Variants in CREB5 observed in about 807,000 individuals in gnomAD.
CREB5 encodes cAMP responsive element binding protein 5.
CREB5 carries 19 observed loss-of-function variants against 57.1 expected under a neutral mutation model. The observed-to-expected ratio is 0.33, with a 90% CI of 0.23 to 0.49. CREB5 has a LOEUF of 0.49. Among genes scored for constraint, CREB5 ranks in the 20% least tolerant of loss-of-function variants. The probability of loss-of-function intolerance (pLI) is 0.99; values close to 1 mark genes in which losing one functional copy is unlikely to be tolerated. For missense variants in CREB5, 579 were observed against 671.6 expected (o/e 0.86, Z 1.52); for synonymous variants, 238 against 238.3 (o/e 1.00, Z 0.01).
At position 28,819,068 on chromosome 7, in the gene CREB5, T is replaced by C. The variant is rs868177176; in HGVS notation, c.1364-48T>C. ...CACAAGTCCATACAAAAAAGACCTA[T>C]ATTGGTGTGTGTGTATGTGTGTGTG... is the stretch of plus-strand genomic sequence containing the variant. On this transcript the variant is annotated intron_variant, in intron 10 of 10. Coordinates refer to ENST00000357727, the MANE Select transcript of CREB5 (RefSeq NM_182898.4). 11 of 1,573,588 alleles carry C rather than the reference T, an allele frequency of 7.0e-6. No homozygotes were observed. The African/African-American group carries it at 9.5e-5, about 14-fold the overall frequency.
chr7:28,505,866 G>A (rs1190261745), intron 3 of CREB5, among the ~76,000 whole-genome samples: 1 of 152,176 alleles, frequency 6.6e-6, no homozygotes, highest in Non-Finnish European at 1.5e-5. Context: ...ACACACAATA[G>A]TTATATGTGT....
intron 1 of CREB5, among the ~76,000 whole-genome samples, chr7:28,367,321 C>G (rs1440562079): frequency 6.6e-6 from 1 of 152,160 alleles, no homozygotes; most frequent in Admixed American, 6.5e-5. Context: ...AATTGGCATC[C>G]CACACTGCTC....
At chr7:28,572,982 T>A (rs1361069422) in intron 5 of CREB5, among the ~76,000 whole-genome samples, 3 of 152,180 alleles carry the variant, frequency 2.0e-5, no homozygotes, top group African/African-American at 7.2e-5. Flanking sequence ...TTTATTCAGA[T>A]TCCTCCCTGG....
At chr7:28,646,424 G>A (rs1316447739) in intron 5 of CREB5, among the ~76,000 whole-genome samples, 5 of 152,132 alleles carry the variant, frequency 3.3e-5, no homozygotes, top group African/African-American at 9.7e-5. Context: ...GCCTGGTGCT[G>A]CCATCTCCTT....
rs147452296 is a variant in CREB5, at chr7:28,429,177, C to T, written c.3+16260C>T. ...GAGTAGCTGGGATTACAGACACTTG[C>T]TACCATGACCAGCTAATTTTTGTAT... On this transcript the variant is annotated intron_variant, in intron 1 of 10. Transcript: ENST00000357727. Among the ~76,000 whole-genome samples the T allele has an allele frequency of 2.3e-3, 354 of 152,174 alleles. 1 individual carries two copies. Among genetic ancestry groups the T allele is most frequent in the African/African-American group, 8.1e-3 (337 of 41,516 alleles).
At chr7:28,411,666 T>C (rs1346704643), upstream of CREB5, among the ~76,000 whole-genome samples, 1 of 152,174 alleles carries the variant, frequency 6.6e-6, no homozygotes, top group Non-Finnish European at 1.5e-5. Context: ...GGTCCCTGAT[T>C]TGGAGTTGGT....
intron 5 of CREB5, among the ~76,000 whole-genome samples, chr7:28,580,198 C>T (rs1796063898): frequency 6.6e-6 from 1 of 152,084 alleles, no homozygotes; most frequent in African/African-American, 2.4e-5. Flanking sequence ...AAATCATAGA[C>T]TTTCTAAAAC....
Position 28,818,134 on chromosome 7 carries a change from G to C in CREB5, c.1318G>C (p.Asp440His). The C allele has an allele frequency of 6.2e-7, 1 of 1,613,670 alleles. No individual in the cohort carries two copies. Among genetic ancestry groups the C allele is most frequent in the South Asian group, 1.1e-5 (1 of 91,028 alleles). ...QLKQLLLTHKDCPITAMQKES... is the reference protein window; with the variant it reads ...QLKQLLLTHKHCPITAMQKES... ...GAAACAGTTGTTGTTAACACATAAA[G>C]ACTGCCCAATAACAGCCATGCAGAA... Residue 440 changes from aspartate (D) to histidine (H), a missense_variant, in exon 10 of 11, where the codon GAC becomes CAC. Physicochemically the swap from Asp to His is moderately conservative, Grantham distance 81. Coordinates refer to ENST00000357727, the MANE Select transcript of CREB5 (RefSeq NM_182898.4).
Position 28,560,823 on chromosome 7 carries a change from C to CGTGTGTGTGTGTGTGCGTGCGT in CREB5, c.292-9541_292-9540insTGTGTGTGTGTGTGCGTGCGTG, listed in dbSNP as rs1442862711. The stretch of plus-strand genomic sequence containing the variant: ...GTGTGTGTGCGCGTGTGTGTGTGTG[C>CGTGTGTGTGTGTGTGCGTGCGT]GCGCGCGCGCGTGTGTGTGTGCGCG... On this transcript the variant is annotated intron_variant, in intron 4 of 10. Coordinates refer to ENST00000357727, the MANE Select transcript of CREB5 (RefSeq NM_182898.4). Among the ~76,000 whole-genome samples the CGTGTGTGTGTGTGTGCGTGCGT allele has an allele frequency of 5.8e-5, 2 of 34,452 alleles. 1 individual carries two copies. Among genetic ancestry groups the CGTGTGTGTGTGTGTGCGTGCGT allele is most frequent in the Non-Finnish European group, 1.3e-4 (2 of 15,080 alleles). The allele number at this position is 34,452 out of a possible 152,430, so 22.6% of individuals were successfully genotyped here.
chr7:28,351,428 G>A (rs11772815), intron 1 of CREB5, among the ~76,000 whole-genome samples: 53,935 of 152,104 alleles, frequency 0.35, 9,753 homozygotes, highest in Non-Finnish European at 0.39. Flanking sequence ...TTGCAAAGGA[G>A]CCAAGGGGGA....
chr7:28,361,371 T>C (rs1011181504), intron 1 of CREB5, among the ~76,000 whole-genome samples: 8 of 152,254 alleles, frequency 5.3e-5, no homozygotes, highest in Admixed American at 5.2e-4. Context: ...TACACACCAG[T>C]TTTCTTTTTG....
At chr7:28,366,136 G>A (rs1303007341) in intron 1 of CREB5, among the ~76,000 whole-genome samples, 2 of 151,656 alleles carry the variant, frequency 1.3e-5, no homozygotes, top group Non-Finnish European at 2.9e-5. Flanking sequence ...AACTTCACCC[G>A]CAAAAAATTT....
At chr7:28,486,021 T>A (rs1401998582) in intron 1 of CREB5, among the ~76,000 whole-genome samples, 1 of 152,146 alleles carries the variant, frequency 6.6e-6, no homozygotes, top group African/African-American at 2.4e-5. Flanking sequence ...TATAAGACAG[T>A]AAAGGATTTT....
At chr7:28,556,038 A>G (rs1388597525) in intron 4 of CREB5, among the ~76,000 whole-genome samples, 2 of 152,184 alleles carry the variant, frequency 1.3e-5, no homozygotes, top group East Asian at 1.9e-4. Flanking sequence ...GAGTGCCTCA[A>G]TAAAAATACG....
At chr7:28,396,279 G>A (rs868799571) in intron 1 of CREB5, among the ~76,000 whole-genome samples, 2 of 152,194 alleles carry the variant, frequency 1.3e-5, no homozygotes, top group South Asian at 4.1e-4. Flanking sequence ...CTAGAAAGAA[G>A]GATGTGGGAT....
At chr7:28,733,592 G>A (rs1803792227) in intron 7 of CREB5, among the ~76,000 whole-genome samples, 1 of 152,166 alleles carries the variant, frequency 6.6e-6, no homozygotes, top group African/African-American at 2.4e-5. Context: ...CCCCAGGTGG[G>A]CAGGAGCCAT....
chr7:28,683,685 C>T (rs1436410162), intron 5 of CREB5, among the ~76,000 whole-genome samples: 1 of 152,124 alleles, frequency 6.6e-6, no homozygotes, highest in Non-Finnish European at 1.5e-5. Context: ...ATCTGAGATC[C>T]GTGCCCGGCA....
intron 5 of CREB5, among the ~76,000 whole-genome samples, chr7:28,657,896 T>G (rs1348401481): frequency 6.6e-6 from 1 of 152,172 alleles, no homozygotes; most frequent in African/African-American, 2.4e-5. Flanking sequence ...TGAAGGATGT[T>G]TTTATGGCTT....
intron 1 of CREB5, among the ~76,000 whole-genome samples, chr7:28,325,211 C>A (rs972442021): frequency 2.0e-5 from 3 of 152,198 alleles, no homozygotes; most frequent in African/African-American, 7.2e-5. Flanking sequence ...AATCCCAGCA[C>A]TTTGGGAGGC....
Sources: allele counts gnomAD v4.1 joint callset (sites outside exome capture counted in the v4.1 genomes callset), GRCh38; gene constraint gnomAD v4.1.1; transcripts MANE v1.5; gene names NCBI Gene and HGNC (gene_info 2026-07-23, HGNC 2026-07-21).